Variants in ATRNL1 observed in about 807,000 individuals in gnomAD.
ATRNL1 encodes the protein attractin like 1.
ATRNL1 carries 95 observed loss-of-function variants against 182.7 expected under a neutral mutation model. The observed-to-expected ratio is 0.52, with a 90% CI of 0.44 to 0.62. The LOEUF (loss-of-function observed/expected upper bound fraction) is 0.62, where lower values mean the gene tolerates loss of function less well. Ranked by LOEUF, ATRNL1 falls within the 20% of genes least tolerant of loss-of-function variation. ATRNL1 has a pLI of 0.00. For synonymous variants in ATRNL1, 576 were observed against 568.3 expected, an observed-to-expected ratio of 1.01 and a Z score of -0.19; for missense variants, 1,471 against 1,679.5, an observed-to-expected ratio of 0.88 and a Z score of 2.17.
At chr10:115,688,054 A>T (rs1388235341) in intron 26 of ATRNL1, among the ~76,000 whole-genome samples, 1 of 152,074 alleles carries the variant, frequency 6.6e-6, no homozygotes, top group Non-Finnish European at 1.5e-5. Flanking sequence ...TCTATAAGTG[A>T]GAACATGCAG....
chr10:115,242,511 G>A (rs552051258), intron 10 of ATRNL1, among the ~76,000 whole-genome samples: 49 of 151,714 alleles, frequency 3.2e-4, no homozygotes, highest in Non-Finnish European at 6.6e-4. Context: ...ACCTTTTATT[G>A]AGGGTATAAA....
At chr10:115,335,931 A>G (rs575872160) in intron 19 of ATRNL1, among the ~76,000 whole-genome samples, 1 of 152,298 alleles carries the variant, frequency 6.6e-6, no homozygotes, top group Admixed American at 6.5e-5. Flanking sequence ...GTTGGGTGAC[A>G]AATAAAGATA....
At chr10:115,533,265 T>C (rs1851717698) in intron 25 of ATRNL1, among the ~76,000 whole-genome samples, 2 of 151,938 alleles carry the variant, frequency 1.3e-5, no homozygotes, top group African/African-American at 4.8e-5. Context: ...TATTGATTAT[T>C]GCCACAGTTT....
At chr10:115,238,623 T>A (rs1246719743) in intron 9 of ATRNL1, among the ~76,000 whole-genome samples, 1 of 152,136 alleles carries the variant, frequency 6.6e-6, no homozygotes, top group Admixed American at 6.5e-5. Context: ...AGAGGGTTTT[T>A]TTGGTTGTTG....
Position 115,426,267 on chromosome 10 carries a change from G to C in ATRNL1, c.3287G>C (p.Arg1096Pro). The C allele has an allele frequency of 6.2e-7, 1 of 1,611,964 alleles. No individual in the cohort carries two copies. The highest frequency in any genetic ancestry group is 8.5e-7 in the Non-Finnish European group (1 of 1,178,690). ...DQCQLCDSEN[R>P]YVGNPLRGTC... ...TTCTGCAGATGTGACTCTGAAAATC[G>C]CTATGTTGGTAATCCACTTAGAGGA... Residue 1096 changes from arginine (R) to proline (P), a missense_variant, in exon 21 of 29, where the codon CGC (arginine) becomes CCC (proline). Physicochemically the swap from Arg to Pro is moderately radical, Grantham distance 103 (BLOSUM62 -2). Transcript: ENST00000355044.
chr10:115,336,985 G>GC (rs1282842068), intron 19 of ATRNL1, among the ~76,000 whole-genome samples: 4 of 146,962 alleles, frequency 2.7e-5, no homozygotes, highest in Non-Finnish European at 5.9e-5. Flanking sequence ...AGCTGGGGGG[G>GC]GGGGACTACA....
At chr10:115,607,117 T>C (rs1856914606) in intron 26 of ATRNL1, among the ~76,000 whole-genome samples, 1 of 152,022 alleles carries the variant, frequency 6.6e-6, no homozygotes, top group African/African-American at 2.4e-5. Context: ...ATATTTTTCA[T>C]CTTAGCCTGT....
intron 28 of ATRNL1, among the ~76,000 whole-genome samples, chr10:115,919,072 A>G (rs1042832331): frequency 1.3e-5 from 2 of 152,240 alleles, no homozygotes; most frequent in Non-Finnish European, 2.9e-5. Context: ...CCCCATAGGA[A>G]GAAGAAATAC....
intron 20 of ATRNL1, among the ~76,000 whole-genome samples, chr10:115,414,166 A>G (rs1410922329): frequency 6.6e-6 from 1 of 152,070 alleles, no homozygotes; most frequent in Non-Finnish European, 1.5e-5. Flanking sequence ...TTTCAGATTT[A>G]CTTTGCTTAT....
At chr10:115,923,382 AC>A (rs1412502246) in intron 28 of ATRNL1, among the ~76,000 whole-genome samples, 1 of 152,072 alleles carries the variant, frequency 6.6e-6, no homozygotes, top group Non-Finnish European at 1.5e-5. Context: ...GCACCTATTG[AC>A]CCATCTCTAA....
chr10:115,712,782 C>T lies in ATRNL1; in HGVS notation c.3796-14466C>T, dbSNP rs146044001. On this transcript the variant is annotated intron_variant, in intron 26 of 28. Coordinates refer to ENST00000355044, the MANE Select transcript of ATRNL1 (RefSeq NM_207303.4). ...ACTCAGGAGGCTGAGGCACGATGAT[C>T]GCTTGAACCCAGGAGACGGAGGTTG... Among the ~76,000 whole-genome samples, 648 of 151,612 alleles carry T rather than the reference C, an allele frequency of 4.3e-3. 3 individuals carry two copies. The highest frequency in any genetic ancestry group is 9.9e-3 in the African/African-American group (410 of 41,300).
intron 28 of ATRNL1, among the ~76,000 whole-genome samples, chr10:115,880,871 G>A (rs1290703373): frequency 6.6e-6 from 1 of 152,208 alleles, no homozygotes; most frequent in African/African-American, 2.4e-5. Context: ...AAGAGAAAGA[G>A]AGGAAGCAGG....
intron 27 of ATRNL1, among the ~76,000 whole-genome samples, chr10:115,795,855 A>G (rs1445428871): frequency 2.6e-5 from 4 of 152,092 alleles, no homozygotes; most frequent in South Asian, 2.1e-4. Flanking sequence ...TCACAATTCA[A>G]CGTGAGATTT....
chr10:115,820,640 A>G (rs1555089990), intron 27 of ATRNL1, among the ~76,000 whole-genome samples: 1 of 152,100 alleles, frequency 6.6e-6, no homozygotes, highest in African/African-American at 2.4e-5. Context: ...TGTTTTCTCT[A>G]TTTAGTCCGT....
chr10:115,328,552 G>C (rs1855039952), intron 18 of ATRNL1, among the ~76,000 whole-genome samples: 1 of 152,028 alleles, frequency 6.6e-6, no homozygotes, highest in East Asian at 1.9e-4. Context: ...AATATTGTAT[G>C]CATTAACCAA....
At chr10:115,228,175 G>A (rs973119130) in intron 9 of ATRNL1, among the ~76,000 whole-genome samples, 39 of 152,026 alleles carry the variant, frequency 2.6e-4, no homozygotes, top group Non-Finnish European at 5.1e-4. Flanking sequence ...AGCAAATTAC[G>A]TTTTTATTAT....
At chr10:115,291,812 T>A (rs1392781764) in intron 15 of ATRNL1, among the ~76,000 whole-genome samples, 1 of 114,430 alleles carries the variant, frequency 8.7e-6, no homozygotes, top group Non-Finnish European at 2.0e-5. Context: ...GCCTCTAGGT[T>A]TTTTTTTTTT....
intron 9 of ATRNL1, among the ~76,000 whole-genome samples, chr10:115,239,170 C>T (rs1438295023): frequency 6.8e-6 from 1 of 147,300 alleles, no homozygotes; most frequent in Non-Finnish European, 1.5e-5. Context: ...ATTTACTGTC[C>T]ACTAGATTAT....
chr10:115,643,643 C>A (rs185460456), intron 26 of ATRNL1, among the ~76,000 whole-genome samples: 393 of 152,178 alleles, frequency 2.6e-3, no homozygotes, highest in African/African-American at 8.9e-3. Context: ...TTTGAGTAGA[C>A]ACTTTAACAA....
Sources: allele counts gnomAD v4.1 joint callset (sites outside exome capture counted in the v4.1 genomes callset), GRCh38; gene constraint gnomAD v4.1.1; transcripts MANE v1.5; gene names NCBI Gene and HGNC (gene_info 2026-07-23, HGNC 2026-07-21).